TYRO3: variants seen among roughly 807,000 people sequenced by gnomAD.
The protein encoded by TYRO3 is TYRO3 protein tyrosine kinase.
In TYRO3, 38 loss-of-function variants were observed where a neutral mutation model predicts 95.2. That is an observed-to-expected ratio of 0.40 (90% CI 0.31 to 0.52). The LOEUF (loss-of-function observed/expected upper bound fraction) is 0.52. Among genes scored for constraint, TYRO3 ranks in the 20% least tolerant of loss-of-function variants. The pLI, the probability that TYRO3 is intolerant of heterozygous loss-of-function variation, is 0.56. For missense variants in TYRO3, 812 were observed against 1,116.4 expected, an observed-to-expected ratio of 0.73 and a Z score of 3.89; for synonymous variants, 367 against 432.9, an observed-to-expected ratio of 0.85 and a Z score of 1.89.
chr15:41,563,646 A>G (rs2055684667), intron 4 of TYRO3, among the ~76,000 whole-genome samples: 2 of 152,190 alleles, frequency 1.3e-5, no homozygotes. Flanking sequence ...CCTACTCCAC[A>G]CCACACTGTG....
intron 8 of TYRO3, 120 bp downstream of exon 8, chr15:41,568,482 G>A: frequency 9.6e-7 from 1 of 1,040,278 alleles, no homozygotes; most frequent in Non-Finnish European, 1.4e-6. Context: ...CAGCCCCAGG[G>A]AATCCTTTCC....
chr15:41,564,303 A>G (rs1186268093), intron 5 of TYRO3, 33 bp downstream of exon 5: 1 of 1,594,470 alleles, frequency 6.3e-7, no homozygotes, highest in Non-Finnish European at 8.6e-7. Context: ...AGGGTGGATG[A>G]GGCCAGGGGC....
chr15:41,583,471 C>G lies in TYRO3; in HGVS notation c.*5195C>G, dbSNP rs1490431265. ...CTGTCTCCATTTCTCTATATAGCCTCATTGATCTATCTAAACTCCCATATC... is the reference window on the plus strand; with the variant it reads ...CTGTCTCCATTTCTCTATATAGCCTGATTGATCTATCTAAACTCCCATATC... On this transcript the variant is annotated 3_prime_UTR_variant, in exon 19 of 19. Transcript: ENST00000263798. 1 of 152,188 alleles carries G rather than the reference C, an allele frequency of 6.6e-6. No individual in the cohort carries two copies. Among genetic ancestry groups the G allele is most frequent in the Admixed American group, 6.5e-5 (1 of 15,284 alleles). 9.4% of individuals were successfully genotyped at this position (152,188 alleles called of 1,614,324 possible). A position where few individuals can be genotyped will look rare whatever the true frequency, so the allele number is the denominator to read the frequency against.
Position 41,562,721 on chromosome 15 carries a change from G to T in TYRO3, c.580+3G>T. On this transcript the variant is annotated splice_donor_region_variant and intron_variant, in intron 4 of 18. Coordinates refer to ENST00000263798, the MANE Select transcript of TYRO3 (RefSeq NM_006293.4). ...TCCATCTGTTTTAAATGTAACAGGT[G>T]AGCAGCCTCAGAAGGGGGCTGGGAG... is the stretch of plus-strand genomic sequence containing the variant. 1.2e-6 allele frequency: 2 copies of T among 1,607,938 alleles called. No homozygotes were observed. The highest frequency in any genetic ancestry group is 2.2e-5 in the South Asian group (2 of 89,966).
In TYRO3 at chr15:41,572,995, C is replaced by T. The variant is rs752078808; in HGVS notation, c.1876-7C>T. The T allele has an allele frequency of 6.2e-7, 1 of 1,612,540 alleles. No individual in the cohort carries two copies. Among genetic ancestry groups the T allele is most frequent in the Non-Finnish European group, 8.5e-7 (1 of 1,178,996 alleles). Reference sequence around the variant, plus strand: ...TTAAGCCTGAGCTTGGCCTGTCTGTCCACTAGAACCTACCCCTCCAGACCC... The same window carrying T: ...TTAAGCCTGAGCTTGGCCTGTCTGTTCACTAGAACCTACCCCTCCAGACCC... On this transcript the variant is annotated splice_region_variant and splice_polypyrimidine_tract_variant and intron_variant, in intron 15 of 18. Coordinates refer to ENST00000263798, the MANE Select transcript of TYRO3 (RefSeq NM_006293.4).
At chr15:41,566,320 TAAAAAAAAAAAAA>T (rs57924730) in intron 6 of TYRO3, among the ~76,000 whole-genome samples, 25 of 40,960 alleles carry the variant, frequency 6.1e-4, no homozygotes, top group African/African-American at 1.3e-3. Flanking sequence ...CTGTCTCTAT[TAAAAAAAAAAAAA>T]AAAAAAAAAA....
intron 18 of TYRO3, among the ~76,000 whole-genome samples, chr15:41,575,734 A>G (rs1187865658): frequency 6.6e-6 from 1 of 151,836 alleles, no homozygotes; most frequent in Non-Finnish European, 1.5e-5. Context: ...TTGGTTTGTT[A>G]TTTTTCCACC....
chr15:41,571,816 G>A lies in TYRO3; in HGVS notation c.1753+129G>A, dbSNP rs1029207364. 6 of 603,482 alleles carry A rather than the reference G, an allele frequency of 9.9e-6. No homozygotes were observed. In the African/African-American group the frequency reaches 1.1e-4, roughly 11 times the overall value. 37.4% of individuals were successfully genotyped at this position (603,482 alleles called of 1,614,324 possible). ...AATAAATAGATGGCAAAATAGCAAGGAGGGTCCTGGCAGAAATCTGAGGTG... is the reference window on the plus strand; with the variant it reads ...AATAAATAGATGGCAAAATAGCAAGAAGGGTCCTGGCAGAAATCTGAGGTG... On this transcript the variant is annotated intron_variant, in intron 14 of 18. Coordinates refer to ENST00000263798, the MANE Select transcript of TYRO3 (RefSeq NM_006293.4).
chr15:41,568,855 G>C (rs1484362830), intron 8 of TYRO3, 23 bp from the exon 9 acceptor site: 2 of 1,607,228 alleles, frequency 1.2e-6, no homozygotes, highest in Non-Finnish European at 1.7e-6. Flanking sequence ...TCACTATGGG[G>C]TGGGGGCTTT....
At position 41,564,390 on chromosome 15, in the gene TYRO3, G is replaced by A. The variant is rs1041230028; in HGVS notation, c.667+120G>A. Reference sequence around the variant, plus strand: ...TTGTGGTCCTGCTGGGATCTAGGGAGCAAGGGGTTAATTGGCATAGCTCCC... The same window carrying A: ...TTGTGGTCCTGCTGGGATCTAGGGAACAAGGGGTTAATTGGCATAGCTCCC... On this transcript the variant is annotated intron_variant, in intron 5 of 18. Coordinates refer to ENST00000263798, the MANE Select transcript of TYRO3 (RefSeq NM_006293.4). The A allele has an allele frequency of 1.6e-5, 16 of 977,598 alleles. No homozygotes were observed. In the African/African-American group the frequency reaches 2.4e-4, roughly 15 times the overall value. 60.6% of individuals were successfully genotyped at this position (977,598 alleles called of 1,614,324 possible).
chr15:41,578,009 C>G lies in TYRO3; in HGVS notation c.2406C>G (p.Pro802=). Residue 802 remains proline (P), a synonymous_variant, in exon 19 of 19, where the codon CCC becomes CCG. Coordinates refer to ENST00000263798, the MANE Select transcript of TYRO3 (RefSeq NM_006293.4). ...CTGTGCTATCTGCCAGCCAGGACCCCTTATACATCAACATCGAGAGAGCTG... is the reference window on the plus strand; with the variant it reads ...CTGTGCTATCTGCCAGCCAGGACCCGTTATACATCAACATCGAGAGAGCTG... ...QLSVLSASQD[P]LYINIERAEE... The G allele has an allele frequency of 6.2e-7, 1 of 1,614,076 alleles. No individual in the cohort carries two copies. Among genetic ancestry groups the G allele is most frequent in the Non-Finnish European group, 8.5e-7 (1 of 1,180,042 alleles).
At chr15:41,573,183 C>T (rs2055820013) in intron 16 of TYRO3, 72 bp downstream of exon 16, 10 of 1,424,180 alleles carry the variant, frequency 7.0e-6, no homozygotes, top group East Asian at 2.3e-5. Flanking sequence ...ATGGTCGGCT[C>T]CTGCCTGGGA....
intron 1 of TYRO3, among the ~76,000 whole-genome samples, chr15:41,560,771 G>A (rs917785373): frequency 1.3e-5 from 2 of 152,176 alleles, no homozygotes; most frequent in African/African-American, 4.8e-5. Context: ...GTGGAGAGCT[G>A]GCAGCCTGTT....
chr15:41,571,534 C>A (rs1191889958), intron 13 of TYRO3, 61 bp from the exon 14 acceptor site: 1 of 1,207,182 alleles, frequency 8.3e-7, no homozygotes, highest in Non-Finnish European at 1.2e-6. Context: ...CCTAGGAGGC[C>A]TGGGTCAAAA....
intron 7 of TYRO3, 129 bp downstream of exon 7, chr15:41,567,666 A>G (rs865785619): frequency 7.9e-6 from 6 of 762,798 alleles, no homozygotes; most frequent in Middle Eastern, 3.6e-4. Flanking sequence ...TTTACTGCAT[A>G]TAACTACATA....
Position 41,582,224 on chromosome 15 carries a change from G to C in TYRO3, c.*3948G>C, listed in dbSNP as rs2055929514. 1.3e-5 allele frequency: 2 copies of C among 149,576 alleles called. No individual in the cohort carries two copies. The highest frequency in any genetic ancestry group is 1.3e-4 in the Admixed American group (2 of 14,996). 9.3% of individuals were successfully genotyped at this position (149,576 alleles called of 1,614,324 possible). ...AGTTTTGAAAAGTGAGTCTCAAAGA[G>C]GCAAGAATGGCCGGGCATGGTGGCT... On this transcript the variant is annotated 3_prime_UTR_variant, in exon 19 of 19. Coordinates refer to ENST00000263798, the MANE Select transcript of TYRO3 (RefSeq NM_006293.4).
At chr15:41,564,360 TC>T in intron 5 of TYRO3, 90 bp downstream of exon 5, 1 of 1,310,938 alleles carries the variant, frequency 7.6e-7, no homozygotes, top group Non-Finnish European at 1.1e-6. Flanking sequence ...GTGTTCCAGC[TC>T]CCCTTGTGGT....
In TYRO3 at chr15:41,570,237, T is replaced by C. The variant is rs1205542096; in HGVS notation, c.1383-3T>C. The C allele has an allele frequency of 1.0e-6, 1 of 991,444 alleles. No individual in the cohort carries two copies. The highest frequency in any genetic ancestry group is 1.5e-5 in the African/African-American group (1 of 66,546). The allele number at this position is 991,444 out of a possible 1,614,324, so 61.4% of individuals were successfully genotyped here. A position where few individuals can be genotyped will look rare whatever the true frequency, so the allele number is the denominator to read the frequency against. ...TGACCCCAAATCCTGGGTTTTCCTT[T>C]AGGCAAGCCTTTGACAGTGTCATGG... On this transcript the variant is annotated splice_polypyrimidine_tract_variant and splice_region_variant and intron_variant, in intron 10 of 18. Coordinates refer to ENST00000263798, the MANE Select transcript of TYRO3 (RefSeq NM_006293.4).
chr15:41,578,111 C>T lies in TYRO3; in HGVS notation c.2508C>T (p.Gly836=), dbSNP rs767007881. 1.9e-6 allele frequency: 3 copies of T among 1,613,806 alleles called. No homozygotes were observed. Among genetic ancestry groups the T allele is most frequent in the Non-Finnish European group, 2.5e-6 (3 of 1,180,016 alleles). The change falls in exon 19 of 19, where the codon GGC becomes GGT. Residue 836 remains glycine, a synonymous_variant. Transcript: ENST00000263798. ...QPYSGAGDGS[G]MGAVGGTPSD... Reference sequence around the variant, plus strand: ...ACAGTGGGGCTGGGGATGGCAGTGGCATGGGGGCAGTGGGTGGCACTCCCA... The same window carrying T: ...ACAGTGGGGCTGGGGATGGCAGTGGTATGGGGGCAGTGGGTGGCACTCCCA...
Sources: gnomAD v4.1 joint callset for allele counts (sites outside exome capture counted in the v4.1 genomes callset) on GRCh38, gnomAD v4.1.1 for gene constraint, MANE v1.5 for transcripts, NCBI Gene and HGNC (gene_info 2026-07-23, HGNC 2026-07-21) for gene names.